The following ERC2 variants were observed in gnomAD, a reference collection of about 807,000 sequenced individuals.
ERC2 encodes the protein ELKS/RAB6-interacting/CAST family member 2, also known as ERC protein 2.
A neutral mutation model predicts 114.8 loss-of-function variants in ERC2; 42 were observed. The observed-to-expected ratio is 0.37, with a 90% CI of 0.29 to 0.47. The LOEUF (loss-of-function observed/expected upper bound fraction) is 0.47, where lower values mean the gene tolerates loss of function less well. Among genes scored for constraint, ERC2 ranks in the 20% least tolerant of loss-of-function variants. The pLI is 0.99. For missense variants in ERC2, 939 were observed against 1,150.7 expected (o/e 0.82, Z 2.66); for synonymous variants, 454 against 425.5 (o/e 1.07, Z -0.82).
At chr3:56,323,282 GAAAAACCACCC>G (rs1190010054) in intron 2 of ERC2, among the ~76,000 whole-genome samples, 1 of 152,134 alleles carries the variant, frequency 6.6e-6, no homozygotes, top group Non-Finnish European at 1.5e-5. Context: ...GAGGCCAAAG[GAAAAACCACCC>G]AAAACGATAG....
intron 1 of ERC2, among the ~76,000 whole-genome samples, chr3:56,450,359 C>A (rs17825463): frequency 0.26 from 40,075 of 152,170 alleles, 5,950 homozygotes; most frequent in Middle Eastern, 0.39. Flanking sequence ...AAGGCAAGGG[C>A]TCTGCATGCC....
intron 17 of ERC2, among the ~76,000 whole-genome samples, chr3:55,580,320 G>A (rs901448231): frequency 6.6e-6 from 1 of 152,010 alleles, no homozygotes; most frequent in African/African-American, 2.4e-5. Flanking sequence ...AAGAATAAAG[G>A]CTACCACTTT....
In ERC2 at chr3:56,080,928, T is replaced by G; in HGVS notation, c.1530A>C (p.Thr510=). Reference sequence around the variant, plus strand: ...CTTCTGTGAGGTCCTGTAGCTGTTTTGTTTTTTTATTGAGGAAAGATTCTT... The same window carrying G: ...CTTCTGTGAGGTCCTGTAGCTGTTTGGTTTTTTTATTGAGGAAAGATTCTT... ...EEKESFLNKK[T]KQLQDLTEEK... Residue 510 remains threonine (T), a synonymous_variant, in exon 7 of 18, where the codon ACA becomes ACC. Transcript: ENST00000288221. The G allele has an allele frequency of 6.2e-7, 1 of 1,613,650 alleles. No homozygotes were observed. Among genetic ancestry groups the G allele is most frequent in the Non-Finnish European group, 8.5e-7 (1 of 1,179,704 alleles).
chr3:56,068,496 C>G (rs1426793866), intron 7 of ERC2, among the ~76,000 whole-genome samples: 1 of 151,940 alleles, frequency 6.6e-6, no homozygotes, highest in East Asian at 1.9e-4. Context: ...AAAAAACCAG[C>G]CCCTGGATTC....
intron 2 of ERC2, among the ~76,000 whole-genome samples, chr3:56,417,329 G>A (rs964735285): frequency 1.3e-5 from 2 of 152,062 alleles, no homozygotes; most frequent in Non-Finnish European, 2.9e-5. Flanking sequence ...CATGCCGTGG[G>A]ACATATTTCA....
chr3:56,159,458 A>G (rs971584684), intron 4 of ERC2, among the ~76,000 whole-genome samples: 9 of 152,204 alleles, frequency 5.9e-5, no homozygotes, highest in Non-Finnish European at 1.0e-4. Flanking sequence ...CTAAACCTCT[A>G]AACTACTATA....
At chr3:56,467,586 T>C (rs1299906175) in intron 1 of ERC2, among the ~76,000 whole-genome samples, 1 of 152,066 alleles carries the variant, frequency 6.6e-6, no homozygotes, top group African/African-American at 2.4e-5. Flanking sequence ...CCTTCGTAAG[T>C]ATCCCTTTTT....
chr3:56,066,347 A>T (rs1372358403), intron 7 of ERC2, among the ~76,000 whole-genome samples: 1 of 152,096 alleles, frequency 6.6e-6, no homozygotes, highest in Non-Finnish European at 1.5e-5. Flanking sequence ...TGGCCACATA[A>T]ATGTCTTCTT....
chr3:55,684,930 G>A (rs1393094061), intron 16 of ERC2, among the ~76,000 whole-genome samples: 1 of 152,036 alleles, frequency 6.6e-6, no homozygotes, highest in African/African-American at 2.4e-5. Context: ...AAATAACCTG[G>A]AACATTTTCT....
intron 1 of ERC2, among the ~76,000 whole-genome samples, chr3:56,463,017 G>A (rs559103448): frequency 5.3e-5 from 8 of 152,144 alleles, no homozygotes; most frequent in South Asian, 2.1e-4. Flanking sequence ...ACTTGAGCTC[G>A]GGAGTTCAAG....
chr3:56,345,760 C>T (rs73832597), intron 2 of ERC2, among the ~76,000 whole-genome samples: 2,989 of 152,264 alleles, frequency 0.02, 103 homozygotes, highest in African/African-American at 0.065. Flanking sequence ...TCTTGGATAA[C>T]CTAATCCCCA....
intron 14 of ERC2, among the ~76,000 whole-genome samples, chr3:55,846,137 TC>T (rs1169364567): frequency 6.6e-6 from 1 of 152,216 alleles, no homozygotes; most frequent in Non-Finnish European, 1.5e-5. Context: ...TCTGCTCCTC[TC>T]CCTCATCCTA....
chr3:56,439,180 TCC>T (rs1183354632), intron 1 of ERC2, among the ~76,000 whole-genome samples: 3 of 152,220 alleles, frequency 2.0e-5, no homozygotes, highest in African/African-American at 7.2e-5. Flanking sequence ...GAATGTTGAC[TCC>T]TGCTGTAATG....
intron 14 of ERC2, among the ~76,000 whole-genome samples, chr3:55,869,270 G>A (rs2062460621): frequency 6.6e-6 from 1 of 152,108 alleles, no homozygotes; most frequent in African/African-American, 2.4e-5. Context: ...GAACCTATTT[G>A]TCTTAAGGCA....
At chr3:56,174,790 C>T (rs2082878336) in intron 3 of ERC2, among the ~76,000 whole-genome samples, 1 of 151,948 alleles carries the variant, frequency 6.6e-6, no homozygotes, top group Non-Finnish European at 1.5e-5. Context: ...CCATCCTGGC[C>T]AACACGGTGA....
chr3:55,823,814 A>G (rs1161231027), intron 14 of ERC2, among the ~76,000 whole-genome samples: 1 of 152,172 alleles, frequency 6.6e-6, no homozygotes, highest in Non-Finnish European at 1.5e-5. Flanking sequence ...CCCCACTTCC[A>G]GTACAGCCCT....
At chr3:56,071,515 C>T (rs114905552) in intron 7 of ERC2, among the ~76,000 whole-genome samples, 189 of 152,298 alleles carry the variant, frequency 1.2e-3, no homozygotes, top group African/African-American at 4.5e-3. Flanking sequence ...ACCAAAGTTA[C>T]ATGTCTTTTA....
chr3:56,208,517 T>C (rs1328814860), intron 3 of ERC2, among the ~76,000 whole-genome samples: 6 of 152,204 alleles, frequency 3.9e-5, no homozygotes, highest in African/African-American at 1.4e-4. Context: ...CTTATTAATT[T>C]ACAGATTTAA....
rs1382820187 is a variant in ERC2, at chr3:56,091,193, C to A, written c.1474-10209G>T. On this transcript the variant is annotated intron_variant, in intron 6 of 17. Coordinates refer to ENST00000288221, the MANE Select transcript of ERC2 (RefSeq NM_015576.3). The stretch of plus-strand genomic sequence containing the variant: ...GCCAGAAGGGAGAAAGTGGCTGTCA[C>A]AACTAGGATGGAGGTGGTGGAGAGG... Among the ~76,000 whole-genome samples, 3 of 151,980 alleles carry A rather than the reference C, an allele frequency of 2.0e-5. No homozygotes were observed. In the East Asian group the frequency reaches 5.8e-4, roughly 29 times the overall value.
Sources: allele counts gnomAD v4.1 joint callset (sites outside exome capture counted in the v4.1 genomes callset), GRCh38; gene constraint gnomAD v4.1.1; transcripts MANE v1.5; gene names NCBI Gene and HGNC (gene_info 2026-07-23, HGNC 2026-07-21).